USP10: variants seen among roughly 807,000 people sequenced by gnomAD.
USP10 encodes the protein ubiquitin specific peptidase 10.
Under a neutral mutation model 84.5 loss-of-function variants are expected in USP10, and 22 were observed. The observed-to-expected ratio is 0.26, with a 90% confidence interval of 0.19 to 0.37. The LOEUF is 0.37. USP10 is among the 10% of genes least tolerant of loss of function. The pLI, the probability that USP10 is intolerant of heterozygous loss-of-function variation, is 1.00. For missense variants in USP10, 1,019 were observed against 998.9 expected (o/e 1.02, Z -0.27); for synonymous variants, 454 against 387.6 (o/e 1.17, Z -2.01).
At chr16:84,732,923 A>T in intron 1 of USP10, 1 of 371,564 alleles carries the variant, frequency 2.7e-6, no homozygotes, top group Admixed American at 3.7e-5. Context: ...TGTGTATCCT[A>T]TGGAAATGCA....
chr16:84,709,137 C>T (rs569358413), intron 1 of USP10: 3 of 152,232 alleles, frequency 2.0e-5, no homozygotes, highest in South Asian at 2.1e-4. Context: ...CATTGTTTCT[C>T]TCGCGGAGGA....
At chr16:84,772,384 T>C (rs1033273950) in intron 11 of USP10, among the ~76,000 whole-genome samples, 157 bp from the exon 12 acceptor site, 4 of 152,118 alleles carry the variant, frequency 2.6e-5, no homozygotes, top group African/African-American at 7.2e-5. Flanking sequence ...CATTGGTAGA[T>C]CTCAGAGCTT....
At chr16:84,778,871 G>A (rs987110183) in intron 13 of USP10, 24 bp from the exon 14 acceptor site, 2 of 1,604,920 alleles carry the variant, frequency 1.2e-6, no homozygotes, top group Non-Finnish European at 1.7e-6. Flanking sequence ...TTCTCACTCT[G>A]CTGCCTGCTG....
chr16:84,703,313 G>T (rs1905120355), intron 1 of USP10, among the ~76,000 whole-genome samples: 1 of 152,130 alleles, frequency 6.6e-6, no homozygotes. Flanking sequence ...TGTGATTATT[G>T]ATGTCATTTA....
chr16:84,733,506 A>G lies in USP10; in HGVS notation c.90+3A>G. On this transcript the variant is annotated splice_donor_region_variant and intron_variant, in intron 2 of 13. Coordinates refer to ENST00000219473, the MANE Select transcript of USP10 (RefSeq NM_005153.3). ...TGACTCCTCGATCTTCAGTTGAGGT[A>G]AGACAAAACTTTGTTTTAGTGAGTC... 6.2e-7 allele frequency: 1 copy of G among 1,606,900 alleles called. No individual in the cohort carries two copies. Among genetic ancestry groups the G allele is most frequent in the Non-Finnish European group, 8.5e-7 (1 of 1,177,382 alleles).
At position 84,763,010 on chromosome 16, in the gene USP10, G is replaced by A; in HGVS notation, c.1576G>A (p.Glu526Lys). ...TCAGGGTCGACAAGAAGATGCTGAG[G>A]AATACTTAGGCTTCATTCTAAATGG... ...SEKGRQEDAE[E>K]YLGFILNGLH... Residue 526 changes from glutamate (E) to lysine (K), a missense_variant, in exon 9 of 14, where the codon GAA (glutamate) becomes AAA (lysine). Glu to Lys is a moderately conservative substitution (Grantham distance 56). Coordinates refer to ENST00000219473, the MANE Select transcript of USP10 (RefSeq NM_005153.3). 1 of 1,610,594 alleles carries A rather than the reference G, an allele frequency of 6.2e-7. No homozygotes were observed. Among genetic ancestry groups the A allele is most frequent in the Middle Eastern group, 1.7e-4 (1 of 6,044 alleles).
Position 84,745,589 on chromosome 16 carries a change from T to C in USP10, c.1108T>C (p.Ser370Pro). 3 of 1,613,506 alleles carry C rather than the reference T, an allele frequency of 1.9e-6. No homozygotes were observed. Among genetic ancestry groups the C allele is most frequent in the Non-Finnish European group, 2.5e-6 (3 of 1,179,724 alleles). Residue 370 changes from serine to proline, a missense_variant, in exon 4 of 14, where the codon TCT (serine) becomes CCT (proline). Physicochemically the swap from Ser to Pro is moderately conservative, Grantham distance 74. Transcript: ENST00000219473. Reference sequence around the variant, plus strand: ...AACTAAGTATTCCCCTCCCGCCATATCTCCCCTGGTTTCTGAAAAGCAGGT... The same window carrying C: ...AACTAAGTATTCCCCTCCCGCCATACCTCCCCTGGTTTCTGAAAAGCAGGT... ...VETKYSPPAI[S>P]PLVSEKQVEV... is the part of the protein sequence containing the mutation.
intron 1 of USP10, chr16:84,704,678 C>G: frequency 6.9e-7 from 1 of 1,458,122 alleles, no homozygotes; most frequent in African/African-American, 1.4e-5. Context: ...TCATAAACCT[C>G]GATGTAGAAT....
chr16:84,703,819 G>C lies in USP10; in HGVS notation c.21+3708G>C, dbSNP rs924462357. Among the ~76,000 whole-genome samples the C allele has an allele frequency of 5.9e-5, 9 of 152,316 alleles. No homozygotes were observed. In the East Asian group the frequency reaches 1.3e-3, roughly 23 times the overall value. ...TGGCCTGAGCAGCCGCGCCGTACCA[G>C]GACCTCACCATCATGCTCTTGAGCC... On this transcript the variant is annotated intron_variant, in intron 1 of 13. Coordinates refer to ENST00000219473, the MANE Select transcript of USP10 (RefSeq NM_005153.3).
rs771784330 is a variant in USP10, at chr16:84,745,441, A to G, written c.960A>G (p.Ala320=). The change falls in exon 4 of 14, where the codon GCA becomes GCG. Residue 320 remains alanine (A), a synonymous_variant. Transcript: ENST00000219473. The part of the protein sequence containing the change: ...IDLDPTKPES[A]SPPADGTGSA... ...TGGACCCAACCAAACCCGAGAGTGC[A>G]TCACCTCCTGCTGACGGCACGGGCT... 9 of 1,613,768 alleles carry G rather than the reference A, an allele frequency of 5.6e-6. No individual in the cohort carries two copies. In the South Asian group the frequency reaches 7.7e-5, roughly 14 times the overall value.
intron 1 of USP10, among the ~76,000 whole-genome samples, chr16:84,718,324 G>A (rs1035387735): frequency 1.3e-5 from 2 of 152,192 alleles, no homozygotes; most frequent in African/African-American, 4.8e-5. Flanking sequence ...TGCAATCATG[G>A]CTCACTGCAG....
At chr16:84,702,397 C>G (rs1200734809) in intron 1 of USP10, among the ~76,000 whole-genome samples, 1 of 152,060 alleles carries the variant, frequency 6.6e-6, no homozygotes, top group Non-Finnish European at 1.5e-5. Flanking sequence ...AATAGTAATG[C>G]AAACAAGTAA....
At position 84,731,054 on chromosome 16, in the gene USP10, G is replaced by T; in HGVS notation, c.22-2381G>T. On this transcript the variant is annotated intron_variant, in intron 1 of 13. Coordinates refer to ENST00000219473, the MANE Select transcript of USP10 (RefSeq NM_005153.3). ...GAGTGCAGTGGCTCATTCTCGGCTT[G>T]CTGCAACCTCCACCTCCCGGGTTCA... 1.5e-5 allele frequency among the ~76,000 whole-genome samples: 2 copies of T among 135,366 alleles called. 1 individual carries two copies. 88.8% of individuals were successfully genotyped at this position (135,366 alleles called of 152,430 possible).
At chr16:84,755,500 TCCAGC>T (rs940287101) in intron 4 of USP10, among the ~76,000 whole-genome samples, 3 of 151,944 alleles carry the variant, frequency 2.0e-5, no homozygotes, top group African/African-American at 7.3e-5. Context: ...TCTCTACCCT[TCCAGC>T]CCTGCACTCT....
At chr16:84,773,223 C>T (rs1001912685) in intron 12 of USP10, among the ~76,000 whole-genome samples, 1 of 152,168 alleles carries the variant, frequency 6.6e-6, no homozygotes, top group African/African-American at 2.4e-5. Context: ...AAAAGCACAG[C>T]TTCAAGAAGA....
chr16:84,703,970 A>G (rs1398845019), intron 1 of USP10, among the ~76,000 whole-genome samples: 1 of 152,250 alleles, frequency 6.6e-6, no homozygotes, highest in Non-Finnish European at 1.5e-5. Flanking sequence ...TGGAACTGAT[A>G]GGATTTAAGC....
intron 2 of USP10, among the ~76,000 whole-genome samples, chr16:84,735,477 G>C (rs1178891483): frequency 1.3e-5 from 2 of 152,086 alleles, no homozygotes; most frequent in Non-Finnish European, 2.9e-5. Flanking sequence ...CAGGCTCGGA[G>C]GGTTTGGGCA....
intron 4 of USP10, among the ~76,000 whole-genome samples, chr16:84,751,376 C>A (rs1356560484): frequency 6.6e-6 from 1 of 152,174 alleles, no homozygotes; most frequent in Middle Eastern, 3.2e-3. Context: ...ATATTTCCCC[C>A]CGCTCCTTGG....
chr16:84,761,781 G>T (rs574106741), intron 8 of USP10, among the ~76,000 whole-genome samples: 1 of 152,378 alleles, frequency 6.6e-6, no homozygotes, highest in South Asian at 2.1e-4. Context: ...GGACCGATGG[G>T]AACCTTTCTG....
Sources: allele counts gnomAD v4.1 joint callset (sites outside exome capture counted in the v4.1 genomes callset), GRCh38; gene constraint gnomAD v4.1.1; transcripts MANE v1.5; gene names NCBI Gene and HGNC (gene_info 2026-07-23, HGNC 2026-07-21).